PDLIM7: variants seen among roughly 807,000 people sequenced by gnomAD.
The protein encoded by PDLIM7 is PDZ and LIM domain protein 7.
A neutral mutation model predicts 53.9 loss-of-function variants in PDLIM7; 37 were observed. The observed-to-expected ratio is 0.69, with a 90% CI of 0.53 to 0.90. The LOEUF is 0.90. Among genes scored for constraint, PDLIM7 ranks in the 40% least tolerant of loss-of-function variants. The pLI is 0.00. For missense variants in PDLIM7, 617 were observed against 638.5 expected (o/e 0.97, Z 0.36); for synonymous variants, 300 against 261.3 (o/e 1.15, Z -1.43).
At chr5:177,491,394 G>A in intron 5 of PDLIM7, 2 of 1,552,064 alleles carry the variant, frequency 1.3e-6, no homozygotes, top group Non-Finnish European at 1.7e-6. Context: ...GCAGAGGGGG[G>A]CTCACTGACT....
At position 177,483,715 on chromosome 5, in the gene PDLIM7, G is replaced by A. The variant is rs1758296697; in HGVS notation, c.1303C>T (p.Leu435=). 1.9e-6 allele frequency: 3 copies of A among 1,613,026 alleles called. No individual in the cohort carries two copies. The highest frequency in any genetic ancestry group is 2.5e-6 in the Non-Finnish European group (3 of 1,179,054). The change falls in exon 13 of 13, where the codon CTG becomes TTG. Residue 435 remains leucine (L), a synonymous_variant. Transcript: ENST00000355841. The stretch of plus-strand genomic sequence containing the variant: ...TTGGAGTAGAAGGTCTTTCCTTCCA[G>A]GTTGATCTGACATATCTAAGGACAG... The part of the protein sequence containing the change: ...CFVCAICQIN[L]EGKTFYSKKD...
Position 177,483,647 on chromosome 5 carries a change from C to G in PDLIM7, c.1371G>C (p.Val457=), listed in dbSNP as rs1233522436. The change falls in exon 13 of 13, where the codon GTG becomes GTC. Residue 457 remains valine, a synonymous_variant. Transcript: ENST00000355841. ...PLCKSHAFSH[V] is the part of the protein sequence containing the mutation. Reference sequence around the variant, plus strand: ...GGCAGCTGTGGGCAGAAGGGGCTCACACATGAGAGAAGGCATGGCTCTTGC... The same window carrying G: ...GGCAGCTGTGGGCAGAAGGGGCTCAGACATGAGAGAAGGCATGGCTCTTGC... 1 of 1,607,146 alleles carries G rather than the reference C, an allele frequency of 6.2e-7. No homozygotes were observed.
chr5:177,490,750 G>T, intron 7 of PDLIM7, 120 bp downstream of exon 7: 1 of 981,780 alleles, frequency 1.0e-6, no homozygotes, highest in South Asian at 1.3e-5. Context: ...AGGAAGGAAG[G>T]AAGGAAGGAA....
chr5:177,491,618 C>T (rs959997964), intron 5 of PDLIM7, 189 bp downstream of exon 5: 2 of 635,246 alleles, frequency 3.1e-6, no homozygotes, highest in Non-Finnish European at 5.5e-6. Context: ...CTCCCCAGGG[C>T]GGTGCCCTGC....
chr5:177,491,026 G>C lies in PDLIM7; in HGVS notation c.519C>G (p.Leu173=). The change falls in exon 6 of 13, where the codon CTC becomes CTG. Residue 173 remains leucine, a synonymous_variant. Coordinates refer to ENST00000355841, the MANE Select transcript of PDLIM7 (RefSeq NM_005451.5). ...GGCACTTACTGAACTCGGTGCCTGTGAGGTGGGCAAGGATGCGGAAGGAAC... is the reference window on the plus strand; with the variant it reads ...GGCACTTACTGAACTCGGTGCCTGTCAGGTGGGCAAGGATGCGGAAGGAAC... ...QSRSFRILAH[L]TGTEFMQDPD... The C allele has an allele frequency of 6.2e-7, 1 of 1,613,516 alleles. No homozygotes were observed. Among genetic ancestry groups the C allele is most frequent in the Non-Finnish European group, 8.5e-7 (1 of 1,179,748 alleles).
In PDLIM7 at chr5:177,488,049, G is replaced by C; in HGVS notation, c.1050+19C>G. 1 of 1,560,028 alleles carries C rather than the reference G, an allele frequency of 6.4e-7. No homozygotes were observed. The highest frequency in any genetic ancestry group is 1.4e-5 in the African/African-American group (1 of 73,854). On this transcript the variant is annotated intron_variant, in intron 10 of 12. Coordinates refer to ENST00000355841, the MANE Select transcript of PDLIM7 (RefSeq NM_005451.5). Reference sequence around the variant, plus strand: ...CTGACAGGCTTGGGACCACCTCCCCGCCAGCCAGCCCTACTCACGCCTGTA... The same window carrying C: ...CTGACAGGCTTGGGACCACCTCCCCCCCAGCCAGCCCTACTCACGCCTGTA...
In PDLIM7 at chr5:177,494,279, G is replaced by T. The variant is rs1758954487; in HGVS notation, c.97-1602C>A. ...CTGACCCTAAGGCTCCACCACTGTG[G>T]GCCACCTCTGCTGAGCATGGGGGCC... On this transcript the variant is annotated intron_variant, in intron 2 of 12. Coordinates refer to ENST00000355841, the MANE Select transcript of PDLIM7 (RefSeq NM_005451.5). Among the ~76,000 whole-genome samples the T allele has an allele frequency of 2.0e-5, 3 of 152,198 alleles. No homozygotes were observed. In the South Asian group the frequency reaches 6.2e-4, roughly 31 times the overall value.
chr5:177,496,504 G>A lies in PDLIM7; in HGVS notation c.9C>T (p.Ser3=). 6.3e-7 allele frequency: 1 copy of A among 1,593,696 alleles called. No individual in the cohort carries two copies. Among genetic ancestry groups the A allele is most frequent in the South Asian group, 1.1e-5 (1 of 88,140 alleles). Residue 3 remains serine (S), a synonymous_variant, in exon 2 of 13, where the codon TCC becomes TCT. Transcript: ENST00000355841. The part of the protein sequence containing the change: MD[S]FKVVLEGPAP... ...CTGGCCCCTCCAGCACTACTTTGAA[G>A]GAATCCATGATGCCGGCTCCTGAGA...
chr5:177,484,076 C>T lies in PDLIM7; in HGVS notation c.1165G>A (p.Glu389Lys), dbSNP rs769613645. The T allele has an allele frequency of 9.9e-6, 16 of 1,613,900 alleles. No homozygotes were observed. The Admixed American group carries it at 1.2e-4, about 12-fold the overall frequency. The change falls in exon 11 of 13, where the codon GAG (glutamate) becomes AAG (lysine). Residue 389 changes from glutamate (E) to lysine (K), a missense_variant. By Grantham distance (56) the Glu-to-Lys change is moderately conservative (BLOSUM62 1). Coordinates refer to ENST00000355841, the MANE Select transcript of PDLIM7 (RefSeq NM_005451.5). ...CTCACTGGCCAGTGGGTACCTCGCTCGCAATAGGGCACGCCCTCCTCCATG... is the reference window on the plus strand; with the variant it reads ...CTCACTGGCCAGTGGGTACCTCGCTTGCAATAGGGCACGCCCTCCTCCATG... ...FYMEEGVPYC[E>K]RDYEKMFGTK...
chr5:177,485,583 A>G (rs1758399328), intron 10 of PDLIM7, among the ~76,000 whole-genome samples: 1 of 152,208 alleles, frequency 6.6e-6, no homozygotes, highest in Non-Finnish European at 1.5e-5. Flanking sequence ...CAATCCCTGC[A>G]AGGGCCAAGT....
intron 10 of PDLIM7, 86 bp from the exon 11 acceptor site, chr5:177,484,276 G>A: frequency 2.0e-6 from 3 of 1,531,624 alleles, no homozygotes; most frequent in Middle Eastern, 2.3e-4. Context: ...CTGGCCGCAA[G>A]CCCTGTTCCT....
At position 177,484,117 on chromosome 5, in the gene PDLIM7, C is replaced by T. The variant is rs937130899; in HGVS notation, c.1124G>A (p.Arg375Gln). The change falls in exon 11 of 13, where the codon CGG becomes CAG. Residue 375 changes from arginine (R) to glutamine (Q), a missense_variant. Arg to Gln is a conservative substitution (Grantham distance 43). Transcript: ENST00000355841. ...CTCCTCCATGTAGAAGGCCCTGTTC[C>T]GGATGGGCGTCTTGCAGGCAGCACA... ...FTCAACKTPI[R>Q]NRAFYMEEGV... The T allele has an allele frequency of 1.2e-5, 19 of 1,614,008 alleles. No homozygotes were observed. Among genetic ancestry groups the T allele is most frequent in the Middle Eastern group, 1.6e-4 (1 of 6,062 alleles).
At chr5:177,485,896 G>A (rs1758412065) in intron 10 of PDLIM7, among the ~76,000 whole-genome samples, 1 of 152,068 alleles carries the variant, frequency 6.6e-6, no homozygotes, top group South Asian at 2.1e-4. Context: ...TGAGGTGGGA[G>A]GATCCTCTGA....
chr5:177,492,476 G>C lies in PDLIM7; in HGVS notation c.249-41C>G, dbSNP rs757956705. The C allele has an allele frequency of 1.9e-6, 3 of 1,613,634 alleles. No homozygotes were observed. In the South Asian group the frequency reaches 3.3e-5, roughly 18 times the overall value. On this transcript the variant is annotated intron_variant, in intron 3 of 12. Transcript: ENST00000355841. ...AGCGTGACAGCGGGCCGGGCCCGCAGGGATCCCCACTGCCAGCGCGGGCGC... is the reference window on the plus strand; with the variant it reads ...AGCGTGACAGCGGGCCGGGCCCGCACGGATCCCCACTGCCAGCGCGGGCGC...
At chr5:177,489,720 G>A (rs769649027) in intron 8 of PDLIM7, 51 bp downstream of exon 8, 1 of 1,483,156 alleles carries the variant, frequency 6.7e-7, no homozygotes, top group East Asian at 2.4e-5. Flanking sequence ...CCACCCCCAT[G>A]CCCCTGGAGG....
intron 2 of PDLIM7, among the ~76,000 whole-genome samples, chr5:177,493,178 C>A (rs1018102302): frequency 2.6e-5 from 4 of 152,158 alleles, no homozygotes; most frequent in African/African-American, 9.7e-5. Context: ...GGACCTCTCA[C>A]CCCCCAGCAC....
Position 177,492,619 on chromosome 5 carries a change from C to T in PDLIM7, c.155G>A (p.Ser52Asn). The T allele has an allele frequency of 1.2e-6, 2 of 1,611,610 alleles. No individual in the cohort carries two copies. Among genetic ancestry groups the T allele is most frequent in the Non-Finnish European group, 1.7e-6 (2 of 1,180,006 alleles). ...AGVAVGDWVL[S>N]IDGENAGSLT... ...GCTACCCGCATTCTCGCCATCGATG[C>T]TCAGCACCCAGTCACCCACGGCCAC... The change falls in exon 3 of 13, where the codon AGC (serine) becomes AAC (asparagine). Residue 52 changes from serine to asparagine, a missense_variant. Transcript: ENST00000355841.
intron 1 of PDLIM7, 142 bp from the exon 2 acceptor site, chr5:177,496,665 G>GT (rs1759089666): frequency 2.0e-6 from 1 of 494,402 alleles, no homozygotes; most frequent in African/African-American, 2.0e-5. Context: ...TAGGAGGCAG[G>GT]TATTTTGTCA....
In PDLIM7 at chr5:177,492,659, CTTTGCCCCCAGGAG is replaced by C; in HGVS notation, c.101_114del (p.Thr34SerfsTer10). On this transcript the variant is annotated frameshift_variant, in exon 3 of 13. Coordinates refer to ENST00000355841, the MANE Select transcript of PDLIM7 (RefSeq NM_005451.5). LOFTEE classifies it high-confidence loss of function. ...CCCACGGCCACTCCGGCCTGCGCCG[CTTTGCCCCCAGGAG>C]TGAGCTGTGGAGAGAGAAGCAAAGT... is the stretch of plus-strand genomic sequence containing the variant. The C allele has an allele frequency of 6.2e-7, 1 of 1,606,178 alleles. No homozygotes were observed.
Sources: gnomAD v4.1 joint callset for allele counts (sites outside exome capture counted in the v4.1 genomes callset) on GRCh38, gnomAD v4.1.1 for gene constraint, MANE v1.5 for transcripts, NCBI Gene and HGNC (gene_info 2026-07-23, HGNC 2026-07-21) for gene names.